GALNT13: variants seen among roughly 807,000 people sequenced by gnomAD.
GALNT13 encodes the protein UDP-GalNAc:polypeptide N-acetylgalactosaminyltransferase 13.
GALNT13 carries 28 observed loss-of-function variants against 64.2 expected under a neutral mutation model. The ratio of observed to expected loss-of-function variants is 0.44; its 90% CI spans 0.32 to 0.60. The LOEUF (loss-of-function observed/expected upper bound fraction) is 0.60, where lower values mean the gene tolerates loss of function less well. Among genes scored for constraint, GALNT13 ranks in the 20% least tolerant of loss-of-function variants. The probability of loss-of-function intolerance (pLI) is 0.05; values close to 1 mark genes in which losing one functional copy is unlikely to be tolerated. For missense variants in GALNT13, 577 were observed against 669.8 expected, an observed-to-expected ratio of 0.86 and a Z score of 1.53; for synonymous variants, 214 against 224.6, an observed-to-expected ratio of 0.95 and a Z score of 0.42.
rs1031093547 is a variant in GALNT13, at chr2:154,128,816, C to T, written c.143-11521C>T. On this transcript the variant is annotated intron_variant, in intron 3 of 12. Transcript: ENST00000392825. ...TGTATACCTCAGTTTATTTTGATAG[C>T]CTGAAATGGCTGCTAGAGCATCTGA... 4.6e-5 allele frequency among the ~76,000 whole-genome samples: 7 copies of T among 151,988 alleles called. No individual in the cohort carries two copies. In the East Asian group the frequency reaches 1.4e-3, roughly 29 times the overall value.
chr2:154,225,827 A>T (rs941236739), intron 4 of GALNT13, among the ~76,000 whole-genome samples: 2 of 152,112 alleles, frequency 1.3e-5, no homozygotes, highest in Non-Finnish European at 2.9e-5. Flanking sequence ...ATATAATGCC[A>T]ATACACTGAG....
At chr2:153,436,724 T>C in the GALNT13 span, among the ~76,000 whole-genome samples, 3 of 152,204 alleles carry the variant, frequency 2.0e-5, no homozygotes, top group Non-Finnish European at 4.4e-5. Flanking sequence ...TCTCTTTTCT[T>C]TATTAGTCTT....
chr2:153,324,074 T>G, the GALNT13 span, among the ~76,000 whole-genome samples: 1 of 152,192 alleles, frequency 6.6e-6, no homozygotes, highest in African/African-American at 2.4e-5. Context: ...TATAAATTAC[T>G]TTGGGCAGTA....
At chr2:153,150,683 C>G in the GALNT13 span, among the ~76,000 whole-genome samples, 1 of 152,100 alleles carries the variant, frequency 6.6e-6, no homozygotes, top group Non-Finnish European at 1.5e-5. Context: ...TTTCAGCTTT[C>G]TACATATGGC....
chr2:153,147,372 G>A, the GALNT13 span, among the ~76,000 whole-genome samples: 1 of 151,668 alleles, frequency 6.6e-6, no homozygotes, highest in Admixed American at 6.6e-5. Context: ...TTTCTTCTTA[G>A]CAACTAAAAC....
chr2:153,243,844 T>G, the GALNT13 span, among the ~76,000 whole-genome samples: 1 of 152,156 alleles, frequency 6.6e-6, no homozygotes, highest in Non-Finnish European at 1.5e-5. Flanking sequence ...TCTGAGCCCA[T>G]GTACCTGAAT....
At chr2:153,250,859 C>T in the GALNT13 span, among the ~76,000 whole-genome samples, 1 of 151,890 alleles carries the variant, frequency 6.6e-6, no homozygotes, top group Non-Finnish European at 1.5e-5. Flanking sequence ...GGGGACATTA[C>T]ACACCAGGGC....
chr2:153,690,188 G>A, the GALNT13 span, among the ~76,000 whole-genome samples: 1 of 151,868 alleles, frequency 6.6e-6, no homozygotes, highest in Non-Finnish European at 1.5e-5. Flanking sequence ...TTTTCACATA[G>A]TTCCTGAATA....
At chr2:153,548,503 C>T in the GALNT13 span, among the ~76,000 whole-genome samples, 3 of 152,220 alleles carry the variant, frequency 2.0e-5, no homozygotes, top group Non-Finnish European at 2.9e-5. Context: ...GAGAGACACC[C>T]GAACAGGAGC....
At chr2:153,176,918 A>G in the GALNT13 span, among the ~76,000 whole-genome samples, 2 of 152,258 alleles carry the variant, frequency 1.3e-5, no homozygotes, top group South Asian at 4.1e-4. Context: ...TCTATAACCT[A>G]TGAAAATATA....
chr2:153,870,024 A>T (rs894634312), upstream of GALNT13, among the ~76,000 whole-genome samples: 3 of 151,974 alleles, frequency 2.0e-5, no homozygotes, highest in South Asian at 6.2e-4. Context: ...CCACACCCTC[A>T]AGACTAATAA....
the GALNT13 span, among the ~76,000 whole-genome samples, chr2:153,739,789 T>G: frequency 6.6e-6 from 1 of 151,530 alleles, no homozygotes; most frequent in East Asian, 1.9e-4. Flanking sequence ...GCTAAAAATT[T>G]TTACAACTAT....
chr2:154,424,831 C>T (rs1157844539), intron 11 of GALNT13, among the ~76,000 whole-genome samples: 1 of 152,202 alleles, frequency 6.6e-6, no homozygotes, highest in East Asian at 1.9e-4. Flanking sequence ...ACGACTTGCA[C>T]TTGAATTACT....
At chr2:153,648,075 A>T in the GALNT13 span, among the ~76,000 whole-genome samples, 1 of 152,124 alleles carries the variant, frequency 6.6e-6, no homozygotes, top group Non-Finnish European at 1.5e-5. Flanking sequence ...CATTTTCACA[A>T]TATTGATTCT....
intron 4 of GALNT13, among the ~76,000 whole-genome samples, chr2:154,144,577 A>G (rs1435510009): frequency 6.6e-6 from 1 of 152,168 alleles, no homozygotes; most frequent in Non-Finnish European, 1.5e-5. Context: ...ATGTGAATTC[A>G]TTCAAATATC....
the GALNT13 span, among the ~76,000 whole-genome samples, chr2:153,273,299 T>G: frequency 6.6e-6 from 1 of 152,102 alleles, no homozygotes. Flanking sequence ...AATGAACCAC[T>G]GCAAAATGTA....
At chr2:153,753,395 C>T in the GALNT13 span, among the ~76,000 whole-genome samples, 1 of 152,092 alleles carries the variant, frequency 6.6e-6, no homozygotes, top group Non-Finnish European at 1.5e-5. Context: ...CTTGGGAAAG[C>T]TTTCCAGATA....
the GALNT13 span, among the ~76,000 whole-genome samples, chr2:153,772,666 G>C: frequency 2.0e-5 from 3 of 152,294 alleles, no homozygotes; most frequent in East Asian, 5.8e-4. Context: ...GGGAAAAAAA[G>C]GTTTTATTAG....
At chr2:153,320,412 G>A in the GALNT13 span, among the ~76,000 whole-genome samples, 2 of 152,082 alleles carry the variant, frequency 1.3e-5, no homozygotes, top group African/African-American at 2.4e-5. Flanking sequence ...TATTTATTGA[G>A]TGCCTAAGCT....
Sources: allele counts gnomAD v4.1 joint callset (sites outside exome capture counted in the v4.1 genomes callset), GRCh38; gene constraint gnomAD v4.1.1; transcripts MANE v1.5; gene names NCBI Gene and HGNC (gene_info 2026-07-23, HGNC 2026-07-21).